The following MAP4K3 variants were observed in gnomAD, a reference collection of about 807,000 sequenced individuals.
The protein encoded by MAP4K3 is mitogen-activated protein kinase kinase kinase kinase 3.
In MAP4K3, 94 loss-of-function variants were observed where a neutral mutation model predicts 143.5. The ratio of observed to expected loss-of-function variants is 0.65; its 90% CI spans 0.55 to 0.78. The LOEUF (loss-of-function observed/expected upper bound fraction) is 0.78. MAP4K3 is among the 30% of genes least tolerant of loss of function. The pLI, the probability that MAP4K3 is intolerant of heterozygous loss-of-function variation, is 0.00. For missense variants in MAP4K3, 1,077 were observed against 1,068.1 expected (o/e 1.01, Z -0.12); for synonymous variants, 416 against 347.2 (o/e 1.20, Z -2.20).
chr2:39,429,290 T>A (rs780781749), intron 1 of MAP4K3, among the ~76,000 whole-genome samples: 2 of 152,068 alleles, frequency 1.3e-5, no homozygotes, highest in Non-Finnish European at 2.9e-5. Context: ...TTAATTAAAA[T>A]AAAGCAACAT....
intron 2 of MAP4K3, among the ~76,000 whole-genome samples, chr2:39,361,840 T>C (rs986485108): frequency 5.3e-5 from 8 of 152,154 alleles, no homozygotes; most frequent in East Asian, 1.9e-4. Flanking sequence ...TCTGTCAAGA[T>C]GCTTCTGGAA....
Position 39,325,938 on chromosome 2 carries a change from C to T in MAP4K3, c.686G>A (p.Ser229Asn), listed in dbSNP as rs1396593002. The T allele has an allele frequency of 1.9e-6, 3 of 1,595,164 alleles. No homozygotes were observed. Among genetic ancestry groups the T allele is most frequent in the Non-Finnish European group, 2.6e-6 (3 of 1,165,956 alleles). ...CTTTAGTTTAGGAGGCTGAAAATTG[C>T]TTTTTGTCATTAGAAATAATGCTCT... ...PMRALFLMTKSNFQPPKLKDK... is the reference protein window; with the variant it reads ...PMRALFLMTKNNFQPPKLKDK... The change falls in exon 10 of 34, where the codon AGC becomes AAC. Residue 229 changes from serine (S) to asparagine (N), a missense_variant. Ser to Asn is a conservative substitution (Grantham distance 46). Transcript: ENST00000263881.
At chr2:39,262,766 T>G (rs1476582515) in intron 28 of MAP4K3, among the ~76,000 whole-genome samples, 1 of 152,206 alleles carries the variant, frequency 6.6e-6, no homozygotes, top group African/African-American at 2.4e-5. Context: ...AGGTACATCA[T>G]GTTTGCTGGA....
intron 12 of MAP4K3, among the ~76,000 whole-genome samples, chr2:39,322,378 C>A (rs1683336747): frequency 6.6e-6 from 1 of 152,092 alleles, no homozygotes; most frequent in African/African-American, 2.4e-5. Context: ...ATTAGCATAA[C>A]AGATTAATAA....
chr2:39,376,149 C>T (rs1356522071), intron 2 of MAP4K3, among the ~76,000 whole-genome samples: 4 of 152,160 alleles, frequency 2.6e-5, no homozygotes, highest in East Asian at 1.9e-4. Flanking sequence ...AAAGTGGTTG[C>T]ACCATTTTAC....
At chr2:39,417,193 C>T (rs1406624763) in intron 1 of MAP4K3, among the ~76,000 whole-genome samples, 1 of 150,948 alleles carries the variant, frequency 6.6e-6, no homozygotes, top group Non-Finnish European at 1.5e-5. Context: ...GGATACCAGG[C>T]AGTGAAAGCC....
Position 39,288,138 on chromosome 2 carries a change from T to C in MAP4K3, c.1457A>G (p.His486Arg), listed in dbSNP as rs1156724749. 23 of 1,613,958 alleles carry C rather than the reference T, an allele frequency of 1.4e-5. No individual in the cohort carries two copies. The highest frequency in any genetic ancestry group is 1.8e-5 in the Non-Finnish European group (21 of 1,180,004). ...ACCATTACCTAAGGCAACAGGTTTGTGTGGGGGTAATCTGGGAGGTGGTGG... is the reference window on the plus strand; with the variant it reads ...ACCATTACCTAAGGCAACAGGTTTGCGTGGGGGTAATCTGGGAGGTGGTGG... ...PRPPPPRLPP[H>R]KPVALGNGMS... The change falls in exon 20 of 34, where the codon CAC becomes CGC. Residue 486 changes from histidine to arginine, a missense_variant. This residue lies in a region of MAP4K3 where 864 missense variants were observed against 801.2 expected (regional missense o/e 1.08). Coordinates refer to ENST00000263881, the MANE Select transcript of MAP4K3 (RefSeq NM_003618.4).
At chr2:39,300,860 C>T (rs1483438769) in intron 15 of MAP4K3, among the ~76,000 whole-genome samples, 1 of 152,192 alleles carries the variant, frequency 6.6e-6, no homozygotes, top group East Asian at 1.9e-4. Context: ...TAAAAGCGAG[C>T]TCCTTAAACA....
At chr2:39,344,613 A>G (rs1486770403) in intron 3 of MAP4K3, among the ~76,000 whole-genome samples, 2 of 152,224 alleles carry the variant, frequency 1.3e-5, no homozygotes, top group Non-Finnish European at 2.9e-5. Context: ...ATCCCTTTAT[A>G]GAAAAAGTCT....
chr2:39,339,913 C>G (rs1020067722), intron 4 of MAP4K3, among the ~76,000 whole-genome samples: 1 of 151,758 alleles, frequency 6.6e-6, no homozygotes, highest in Admixed American at 6.6e-5. Context: ...TCTCAAAATC[C>G]AAAATTATAA....
chr2:39,377,937 T>G (rs369743034), intron 2 of MAP4K3, 129 bp downstream of exon 2: 7 of 651,998 alleles, frequency 1.1e-5, no homozygotes, highest in Non-Finnish European at 1.9e-5. Flanking sequence ...GGAAAGGGCA[T>G]ACAAGCAGCT....
intron 3 of MAP4K3, among the ~76,000 whole-genome samples, chr2:39,352,024 C>G (rs960710110): frequency 6.6e-6 from 1 of 152,162 alleles, no homozygotes; most frequent in African/African-American, 2.4e-5. Context: ...ATCAAATCTT[C>G]TACTGGCTTA....
chr2:39,325,984 C>A, intron 9 of MAP4K3, 23 bp from the exon 10 acceptor site: 1 of 1,555,462 alleles, frequency 6.4e-7, no homozygotes, highest in Non-Finnish European at 8.8e-7. Flanking sequence ...CAAATCATTA[C>A]ACAGCATTTT....
chr2:39,392,183 C>CAAAAAAAAAAAAAAAAAAAAAAA (rs3086434), intron 1 of MAP4K3, among the ~76,000 whole-genome samples: 2 of 69,036 alleles, frequency 2.9e-5, no homozygotes, highest in Non-Finnish European at 5.1e-5. Context: ...CACTCCTACT[C>CAAAAAAAAAAAAAAAAAAAAAAA]AAAAAAAAAA....
At chr2:39,392,410 T>G (rs553822551) in intron 1 of MAP4K3, among the ~76,000 whole-genome samples, 2 of 152,280 alleles carry the variant, frequency 1.3e-5, no homozygotes, top group Non-Finnish European at 2.9e-5. Context: ...TTGCCTATTA[T>G]ATAAATTATC....
chr2:39,417,497 C>T (rs531657828), intron 1 of MAP4K3, among the ~76,000 whole-genome samples: 6 of 152,126 alleles, frequency 3.9e-5, no homozygotes, highest in South Asian at 2.1e-4. Flanking sequence ...GGATTACAGG[C>T]GTGAGCCACC....
At chr2:39,397,705 T>A (rs918210487) in intron 1 of MAP4K3, among the ~76,000 whole-genome samples, 1 of 152,152 alleles carries the variant, frequency 6.6e-6, no homozygotes, top group African/African-American at 2.4e-5. Flanking sequence ...TCTAACAATA[T>A]AACTTTATAT....
At chr2:39,436,799 T>C in intron 1 of MAP4K3, 93 bp downstream of exon 1, 1 of 1,068,048 alleles carries the variant, frequency 9.4e-7, no homozygotes, top group Admixed American at 2.0e-5. Context: ...GGCGCCAGCG[T>C]CTCCCGAGGA....
intron 3 of MAP4K3, among the ~76,000 whole-genome samples, chr2:39,346,027 A>G (rs1665282380): frequency 6.6e-6 from 1 of 151,998 alleles, no homozygotes; most frequent in Non-Finnish European, 1.5e-5. Context: ...AAATTGAAGC[A>G]TACAGCTGAT....
Sources: gnomAD v4.1 joint callset for allele counts (sites outside exome capture counted in the v4.1 genomes callset) on GRCh38, gnomAD v4.1.1 for gene constraint, gnomAD v4.1.1 regional missense constraint, MANE v1.5 for transcripts, NCBI Gene and HGNC (gene_info 2026-07-23, HGNC 2026-07-21) for gene names.